Variants in TAPBPL observed in about 807,000 individuals in gnomAD.
TAPBPL encodes TAP binding protein like.
A neutral mutation model predicts 44.8 loss-of-function variants in TAPBPL; 32 were observed. The observed-to-expected ratio is 0.71, with a 90% CI of 0.54 to 0.96. The LOEUF is 0.96. TAPBPL is among the 40% of genes least tolerant of loss of function. TAPBPL has a pLI of 0.00. For missense variants in TAPBPL, 520 were observed against 586.6 expected (o/e 0.89, Z 1.17); for synonymous variants, 230 against 240.7 (o/e 0.96, Z 0.41).
At chr12:6,461,181 G>A (rs544319710) in intron 6 of TAPBPL, 23 of 1,338,136 alleles carry the variant, frequency 1.7e-5, no homozygotes, top group African/African-American at 6.0e-5. Flanking sequence ...GAGTAGTCAC[G>A]TGCTCCCAGA....
chr12:6,460,710 C>G (rs1949832917), intron 5 of TAPBPL, 145 bp from the exon 6 acceptor site: 1 of 679,250 alleles, frequency 1.5e-6, no homozygotes, highest in Non-Finnish European at 2.6e-6. Context: ...ACAAATGCTG[C>G]TGAGTGCCTT....
In TAPBPL at chr12:6,453,322, T is replaced by C. The variant is rs781635453; in HGVS notation, c.295+25T>C. ...GGTAAAAGCCTTCCACCTGTGTCCTTGGTCCTCCCGGGCTCCCTCCACCAG... is the reference window on the plus strand; with the variant it reads ...GGTAAAAGCCTTCCACCTGTGTCCTCGGTCCTCCCGGGCTCCCTCCACCAG... On this transcript the variant is annotated intron_variant, in intron 2 of 6. Coordinates refer to ENST00000266556, the MANE Select transcript of TAPBPL (RefSeq NM_018009.5). The surrounding 1 kb of genome is among the most constrained non-coding windows in gnomAD (Gnocchi z 4.8). 2 of 1,612,416 alleles carry C rather than the reference T, an allele frequency of 1.2e-6. No individual in the cohort carries two copies. Among genetic ancestry groups the C allele is most frequent in the South Asian group, 2.2e-5 (2 of 90,846 alleles).
chr12:6,458,153 G>A (rs564789261), intron 4 of TAPBPL, among the ~76,000 whole-genome samples: 6 of 152,150 alleles, frequency 3.9e-5, no homozygotes, highest in African/African-American at 1.2e-4. Flanking sequence ...TTTGGGAGGC[G>A]GATCACGAGG....
intron 3 of TAPBPL, among the ~76,000 whole-genome samples, chr12:6,456,690 T>C (rs568786773): frequency 1.3e-5 from 2 of 152,000 alleles, no homozygotes; most frequent in East Asian, 3.9e-4. Flanking sequence ...GTTTCACTCG[T>C]CGCCCAGACT....
In TAPBPL at chr12:6,453,079, C is replaced by T; in HGVS notation, c.77C>T (p.Ala26Val). ...SGAAETKPHP[A>V]EGQWRAVDVV... ...CCTTTGTCTGCAGAGCCCCACCCAG[C>T]AGAGGGGCAGTGGCGGGCAGTGGAC... The change falls in exon 2 of 7, where the codon GCA (alanine) becomes GTA (valine). Residue 26 changes from alanine (A) to valine (V), a missense_variant. Physicochemically the swap from Ala to Val is moderately conservative, Grantham distance 64. Coordinates refer to ENST00000266556, the MANE Select transcript of TAPBPL (RefSeq NM_018009.5). The surrounding 1 kb of genome is among the most constrained non-coding windows in gnomAD (Gnocchi z 4.8). The T allele has an allele frequency of 1.3e-6, 2 of 1,578,692 alleles. No homozygotes were observed. Among genetic ancestry groups the T allele is most frequent in the Non-Finnish European group, 1.7e-6 (2 of 1,162,978 alleles).
downstream of TAPBPL, among the ~76,000 whole-genome samples, chr12:6,467,298 C>G (rs1298220673): frequency 6.6e-6 from 1 of 152,078 alleles, no homozygotes; most frequent in Non-Finnish European, 1.5e-5. Context: ...CAGAAGAAGA[C>G]AGGAAAATGC....
At chr12:6,464,273 A>G (rs1949948963), downstream of TAPBPL, 2 of 1,537,216 alleles carry the variant, frequency 1.3e-6, no homozygotes, top group Admixed American at 2.0e-5. Context: ...GTAATGACTT[A>G]GATTGTGCCA....
downstream of TAPBPL, chr12:6,470,645 C>A (rs1165782804): frequency 6.2e-6 from 9 of 1,448,826 alleles, no homozygotes; most frequent in Non-Finnish European, 7.7e-6. Context: ...CTCGCGCCGA[C>A]TACCCCGCGG....
At chr12:6,465,489 G>A (rs999583131), downstream of TAPBPL, among the ~76,000 whole-genome samples, 1 of 140,782 alleles carries the variant, frequency 7.1e-6, no homozygotes. Flanking sequence ...GTGTGTGTGT[G>A]TGTATGTATA....
At chr12:6,464,839 T>A (rs1949964674), downstream of TAPBPL, 1 of 1,612,750 alleles carries the variant, frequency 6.2e-7, no homozygotes. Context: ...GGGAGAAGAC[T>A]CCAGGACCTT....
downstream of TAPBPL, among the ~76,000 whole-genome samples, chr12:6,465,572 C>G (rs1950002686): frequency 1.3e-5 from 2 of 151,088 alleles, no homozygotes; most frequent in Admixed American, 1.3e-4. Flanking sequence ...CAGGCAACTC[C>G]TTTGGGGTAA....
At chr12:6,460,999 C>G (rs1406251406) in intron 6 of TAPBPL, 61 bp downstream of exon 6, 3 of 1,606,630 alleles carry the variant, frequency 1.9e-6, no homozygotes, top group Non-Finnish European at 2.6e-6. Flanking sequence ...TAACCACCCC[C>G]CCGCCCAGAC....
chr12:6,469,602 C>T (rs1006855666), downstream of TAPBPL, among the ~76,000 whole-genome samples: 2 of 152,176 alleles, frequency 1.3e-5, no homozygotes, highest in African/African-American at 4.8e-5. Flanking sequence ...AATTACAACC[C>T]TTATGTAACA....
At chr12:6,457,361 AAGG>A (rs1949726813) in intron 3 of TAPBPL, 42 bp from the exon 4 acceptor site, 2 of 1,568,116 alleles carry the variant, frequency 1.3e-6, no homozygotes, top group African/African-American at 2.7e-5. Context: ...AGGTGACCTC[AAGG>A]AGGAAGTAGC....
At chr12:6,463,035 G>T, downstream of TAPBPL, 1 of 1,545,184 alleles carries the variant, frequency 6.5e-7, no homozygotes, top group Non-Finnish European at 8.7e-7. This position sits in a 1 kb window ranked among gnomAD's most constrained non-coding sequence, Gnocchi z 4.0. Context: ...TTCCCAGCCT[G>T]CCCTCCTCCC....
chr12:6,462,983 G>C, downstream of TAPBPL: 2 of 1,551,262 alleles, frequency 1.3e-6, no homozygotes, highest in Non-Finnish European at 1.7e-6. Context: ...TTCGTGGACC[G>C]AGGGAAGAAG....
At chr12:6,467,461 G>A (rs183170388), downstream of TAPBPL, among the ~76,000 whole-genome samples, 26 of 152,280 alleles carry the variant, frequency 1.7e-4, no homozygotes, top group Non-Finnish European at 3.1e-4. Flanking sequence ...TTATGTTTTG[G>A]CAAAAAGACT....
chr12:6,462,439 T>C (rs1470811312), downstream of TAPBPL: 2 of 490,674 alleles, frequency 4.1e-6, no homozygotes, highest in African/African-American at 3.9e-5. Flanking sequence ...AAGAACGGGA[T>C]GTGGGAAGCT....
At chr12:6,461,891 G>T (rs1464426821) in intron 6 of TAPBPL, 143 bp from the exon 7 acceptor site, 3 of 622,032 alleles carry the variant, frequency 4.8e-6, no homozygotes, top group Non-Finnish European at 5.6e-6. Context: ...GCCTTATCTG[G>T]GCACATCCCC....
Sources: gnomAD v4.1 joint callset for allele counts (sites outside exome capture counted in the v4.1 genomes callset) on GRCh38, gnomAD v4.1.1 for gene constraint, Gnocchi (gnomAD v3.1) non-coding constraint, MANE v1.5 for transcripts, NCBI Gene and HGNC (gene_info 2026-07-23, HGNC 2026-07-21) for gene names.